MDM4: variants seen among roughly 807,000 people sequenced by gnomAD.
MDM4 encodes MDM4 regulator of p53.
Under a neutral mutation model 60.2 loss-of-function variants are expected in MDM4, and 2 were observed. That is an observed-to-expected ratio of 0.03 (90% CI 0.01 to 0.10). The LOEUF is 0.10. Ranked by LOEUF, MDM4 falls within the 10% of genes least tolerant of loss-of-function variation. The pLI, the probability that MDM4 is intolerant of heterozygous loss-of-function variation, is 1.00. For missense variants in MDM4, 447 were observed against 577.5 expected (o/e 0.77, Z 2.32); for synonymous variants, 202 against 198.1 (o/e 1.02, Z -0.17).
rs1663331879 is a variant in MDM4 at position 204,552,918 on chromosome 1, C to T, written c.*3236C>T. The T allele has an allele frequency of 6.1e-6, 1 of 164,950 alleles. No homozygotes were observed. Among genetic ancestry groups the T allele is most frequent in the African/African-American group, 2.4e-5 (1 of 41,340 alleles). 10.2% of individuals were successfully genotyped at this position (164,950 alleles called of 1,614,324 possible). ...GAGATGGAGTTTTGCTCTTGTCGCCCAGGCTGGAGTGCAGTGGAGTGATCT... is the reference window on the plus strand; with the variant it reads ...GAGATGGAGTTTTGCTCTTGTCGCCTAGGCTGGAGTGCAGTGGAGTGATCT... On this transcript the variant is annotated 3_prime_UTR_variant, in exon 11 of 11. Coordinates refer to ENST00000367182, the MANE Select transcript of MDM4 (RefSeq NM_002393.5).
intron 3 of MDM4, among the ~76,000 whole-genome samples, chr1:204,527,777 G>T (rs1345958015): frequency 1.3e-5 from 2 of 151,960 alleles, no homozygotes; most frequent in Non-Finnish European, 2.9e-5. Flanking sequence ...AAAAGACTCA[G>T]TATTAAAATG....
At chr1:204,527,705 C>T (rs911762902) in intron 3 of MDM4, among the ~76,000 whole-genome samples, 4 of 145,786 alleles carry the variant, frequency 2.7e-5, no homozygotes, top group Non-Finnish European at 6.0e-5. Flanking sequence ...TAAACACATG[C>T]ATTTAAATAA....
At position 204,557,415 on chromosome 1, in the gene MDM4, T is replaced by C. The variant is rs1024253488; in HGVS notation, c.*7733T>C. 1.7e-5 allele frequency: 3 copies of C among 178,838 alleles called. No individual in the cohort carries two copies. Among genetic ancestry groups the C allele is most frequent in the African/African-American group, 7.1e-5 (3 of 42,260 alleles). 11.1% of individuals were successfully genotyped at this position (178,838 alleles called of 1,614,324 possible). On this transcript the variant is annotated 3_prime_UTR_variant, in exon 11 of 11. Coordinates refer to ENST00000367182, the MANE Select transcript of MDM4 (RefSeq NM_002393.5). Reference sequence around the variant, plus strand: ...GTCTTGATGTACAAAAAAAAATTTTTTTTTTGAGACAGAGTCTTACTCTGT... The same window carrying C: ...GTCTTGATGTACAAAAAAAAATTTTCTTTTTGAGACAGAGTCTTACTCTGT...
At chr1:204,535,374 G>A (rs770496191) in intron 5 of MDM4, among the ~76,000 whole-genome samples, 1 of 151,708 alleles carries the variant, frequency 6.6e-6, no homozygotes, top group African/African-American at 2.4e-5. Context: ...AGCCAGGATG[G>A]TCTCGATCTC....
rs547362568 is a variant in MDM4, at chr1:204,557,759, A to G, written c.*8077A>G. 1.6e-5 allele frequency: 3 copies of G among 186,986 alleles called. No homozygotes were observed. Among genetic ancestry groups the G allele is most frequent in the African/African-American group, 7.0e-5 (3 of 42,842 alleles). The allele number at this position is 186,986 out of a possible 1,614,324, so 11.6% of individuals were successfully genotyped here. A position where few individuals can be genotyped will look rare whatever the true frequency, so the allele number is the denominator to read the frequency against. ...GTGGCATAAAATGCACTGTCAATAT[A>G]TAGAAAACATGAAATTTTCCAAATA... is the stretch of plus-strand genomic sequence containing the variant. On this transcript the variant is annotated 3_prime_UTR_variant, in exon 11 of 11. Transcript: ENST00000367182.
Position 204,555,710 on chromosome 1 carries a change from C to T in MDM4, c.*6028C>T, listed in dbSNP as rs908813280. On this transcript the variant is annotated 3_prime_UTR_variant, in exon 11 of 11. Coordinates refer to ENST00000367182, the MANE Select transcript of MDM4 (RefSeq NM_002393.5). ...TGAAACCCTGTCTCTACTAAAAATA[C>T]AAAAATTAGCCGGTCGTGGTGGCGT... is the stretch of plus-strand genomic sequence containing the variant. The T allele has an allele frequency of 1.2e-5, 2 of 169,104 alleles. No homozygotes were observed. Among genetic ancestry groups the T allele is most frequent in the African/African-American group, 4.8e-5 (2 of 41,890 alleles). The allele number at this position is 169,104 out of a possible 1,614,324, so 10.5% of individuals were successfully genotyped here.
rs764239370 is a variant in MDM4 at position 204,553,750 on chromosome 1, C to G, written c.*4068C>G. 10 of 225,086 alleles carry G rather than the reference C, an allele frequency of 4.4e-5. No homozygotes were observed. The highest frequency in any genetic ancestry group is 1.1e-4 in the Admixed American group (2 of 17,490). 13.9% of individuals were successfully genotyped at this position (225,086 alleles called of 1,614,324 possible). On this transcript the variant is annotated 3_prime_UTR_variant, in exon 11 of 11. Coordinates refer to ENST00000367182, the MANE Select transcript of MDM4 (RefSeq NM_002393.5). Reference sequence around the variant, plus strand: ...TCTTCTGTCTGAATATTAACTCACTCTCCTTCCAGTGTACTTCACAGTAAT... The same window carrying G: ...TCTTCTGTCTGAATATTAACTCACTGTCCTTCCAGTGTACTTCACAGTAAT...
intron 5 of MDM4, among the ~76,000 whole-genome samples, chr1:204,536,173 G>T (rs1661398949): frequency 6.6e-6 from 1 of 152,134 alleles, no homozygotes; most frequent in South Asian, 2.1e-4. Context: ...AATCACTTGA[G>T]CCAGGGAGGT....
chr1:204,526,566 C>T, intron 3 of MDM4, 132 bp downstream of exon 3: 1 of 625,880 alleles, frequency 1.6e-6, no homozygotes, highest in Non-Finnish European at 2.8e-6. Flanking sequence ...TGGGTTCACG[C>T]CATTCTCCTG....
chr1:204,545,370 A>C (rs1362021036), intron 9 of MDM4, among the ~76,000 whole-genome samples: 1 of 151,878 alleles, frequency 6.6e-6, no homozygotes, highest in Admixed American at 6.5e-5. Flanking sequence ...TGAAGTACTC[A>C]TGTGTATGGT....
chr1:204,543,919 A>G (rs978739676), intron 8 of MDM4, among the ~76,000 whole-genome samples: 1 of 152,248 alleles, frequency 6.6e-6, no homozygotes, highest in African/African-American at 2.4e-5. Context: ...TATGTGGCAC[A>G]TAATAGGTAT....
rs1663491246 is a variant in MDM4, at chr1:204,555,717, T to C, written c.*6035T>C. The C allele has an allele frequency of 5.9e-6, 1 of 170,028 alleles. No homozygotes were observed. The highest frequency in any genetic ancestry group is 2.0e-4 in the South Asian group (1 of 4,964). The allele number at this position is 170,028 out of a possible 1,614,324, so 10.5% of individuals were successfully genotyped here. On this transcript the variant is annotated 3_prime_UTR_variant, in exon 11 of 11. Transcript: ENST00000367182. The stretch of plus-strand genomic sequence containing the variant: ...CTGTCTCTACTAAAAATACAAAAAT[T>C]AGCCGGTCGTGGTGGCGTGCACCTG...
At chr1:204,520,826 T>C (rs1161680255) in intron 1 of MDM4, among the ~76,000 whole-genome samples, 1 of 152,112 alleles carries the variant, frequency 6.6e-6, no homozygotes, top group African/African-American at 2.4e-5. Context: ...CAGTGAGCTA[T>C]GTTTGTGCCA....
At chr1:204,529,236 C>G in intron 3 of MDM4, 1 of 729,186 alleles carries the variant, frequency 1.4e-6, no homozygotes, top group Non-Finnish European at 2.5e-6. Context: ...TGAGGCAGGT[C>G]TCATCATTGA....
At chr1:204,519,625 A>C (rs186077247) in intron 1 of MDM4, among the ~76,000 whole-genome samples, 259 of 151,672 alleles carry the variant, frequency 1.7e-3, no homozygotes, top group Middle Eastern at 6.9e-3. Context: ...GGATTGCTTT[A>C]GCTCAGAATT....
intron 5 of MDM4, among the ~76,000 whole-genome samples, chr1:204,536,554 A>G (rs1325695176): frequency 6.6e-6 from 1 of 152,222 alleles, no homozygotes; most frequent in East Asian, 1.9e-4. Flanking sequence ...CCTGACCCAC[A>G]GTAGACTTAT....
chr1:204,554,296 G>A lies in MDM4; in HGVS notation c.*4614G>A, dbSNP rs1185465568. The A allele has an allele frequency of 4.4e-6, 1 of 225,474 alleles. No homozygotes were observed. Among genetic ancestry groups the A allele is most frequent in the Non-Finnish European group, 8.8e-6 (1 of 113,506 alleles). The allele number at this position is 225,474 out of a possible 1,614,324, so 14.0% of individuals were successfully genotyped here. ...TGTGAATTTCTGATATATGGCTTTA[G>A]ATACTGTGAATCTGTTTTCCATTTA... On this transcript the variant is annotated 3_prime_UTR_variant, in exon 11 of 11. Transcript: ENST00000367182.
chr1:204,523,582 C>G (rs1031849250), intron 1 of MDM4, among the ~76,000 whole-genome samples: 2 of 135,194 alleles, frequency 1.5e-5, no homozygotes, highest in African/African-American at 5.6e-5. Context: ...CTTGCCAGTT[C>G]AGGTGATTCT....
chr1:204,540,162 G>A (rs939084653), intron 7 of MDM4, among the ~76,000 whole-genome samples: 1 of 151,912 alleles, frequency 6.6e-6, no homozygotes, highest in Non-Finnish European at 1.5e-5. Context: ...GCGGGCGCCC[G>A]TAGTCCCAGC....
Sources: allele counts gnomAD v4.1 joint callset (sites outside exome capture counted in the v4.1 genomes callset), GRCh38; gene constraint gnomAD v4.1.1; transcripts MANE v1.5; gene names NCBI Gene and HGNC (gene_info 2026-07-23, HGNC 2026-07-21).